The following ADGRV1 variants were observed in gnomAD, a reference collection of about 807,000 sequenced individuals.
The protein encoded by ADGRV1 is G-protein coupled receptor 98.
In ADGRV1, 359 loss-of-function variants were observed where a neutral mutation model predicts 596.2. The ratio of observed to expected loss-of-function variants is 0.60; its 90% CI spans 0.55 to 0.66. The LOEUF is 0.66. Among genes scored for constraint, ADGRV1 ranks in the 30% least tolerant of loss-of-function variants. The pLI is 0.00. For missense variants in ADGRV1, 7,274 were observed against 7,575.6 expected (o/e 0.96, Z 1.48); for synonymous variants, 2,681 against 2,679.2 (o/e 1.00, Z -0.02).
chr5:91,054,974 T>C (rs1406973305), intron 85 of ADGRV1, among the ~76,000 whole-genome samples: 1 of 152,208 alleles, frequency 6.6e-6, no homozygotes, highest in Non-Finnish European at 1.5e-5. Context: ...TTAATTACCA[T>C]TTCCCCTTTC....
At chr5:90,693,732 T>C (rs1207464238) in intron 32 of ADGRV1, among the ~76,000 whole-genome samples, 158 bp from the exon 33 acceptor site, 2 of 152,230 alleles carry the variant, frequency 1.3e-5, no homozygotes, top group Non-Finnish European at 2.9e-5. Context: ...GAAAACAAAA[T>C]GTTGGGAGAC....
intron 83 of ADGRV1, among the ~76,000 whole-genome samples, chr5:90,883,550 A>T (rs1473365430): frequency 6.6e-6 from 1 of 152,118 alleles, no homozygotes; most frequent in Non-Finnish European, 1.5e-5. Context: ...TTCTGAATAT[A>T]ACTTGGAGTG....
At chr5:90,629,561 T>A (rs1398653944) in intron 9 of ADGRV1, 22 bp downstream of exon 9, 1 of 1,537,358 alleles carries the variant, frequency 6.5e-7, no homozygotes, top group Non-Finnish European at 8.8e-7. Flanking sequence ...ATTAAAATAA[T>A]CGTAATTTTG....
chr5:91,154,529 A>G (rs1304727156), intron 89 of ADGRV1, among the ~76,000 whole-genome samples: 1 of 152,224 alleles, frequency 6.6e-6, no homozygotes, highest in African/African-American at 2.4e-5. Flanking sequence ...CCTGGCCTTG[A>G]GACCGTGCTC....
intron 83 of ADGRV1, among the ~76,000 whole-genome samples, chr5:90,935,269 A>G (rs1775578808): frequency 6.6e-6 from 1 of 152,218 alleles, no homozygotes; most frequent in African/African-American, 2.4e-5. Context: ...ATGTTTGTCA[A>G]AACAGAAGTT....
chr5:91,086,037 A>G (rs1789843960), intron 86 of ADGRV1, among the ~76,000 whole-genome samples: 1 of 152,270 alleles, frequency 6.6e-6, no homozygotes, highest in Middle Eastern at 3.4e-3. Context: ...AGAAATCAGT[A>G]CTGATAACCA....
At chr5:90,855,945 A>G in intron 82 of ADGRV1, 44 bp downstream of exon 82, 2 of 1,470,084 alleles carry the variant, frequency 1.4e-6, no homozygotes, top group Admixed American at 1.8e-5. Context: ...AATATTTATG[A>G]AAATGAAAGT....
intron 31 of ADGRV1, 45 bp downstream of exon 31, chr5:90,691,086 T>C: frequency 6.2e-7 from 1 of 1,608,560 alleles, no homozygotes; most frequent in Non-Finnish European, 8.5e-7. Context: ...AATCATACCG[T>C]ATCTATAGTG....
rs778985579 is a variant in ADGRV1, at chr5:90,711,353, T to C, written c.9042+31T>C. ...TCTCAAAATCTATCACAGATGACTT[T>C]TACAAATTATTTTATAATCATTATT... On this transcript the variant is annotated intron_variant, in intron 41 of 89. Transcript: ENST00000405460. 9 of 1,527,800 alleles carry C rather than the reference T, an allele frequency of 5.9e-6. No homozygotes were observed. The Admixed American group carries it at 1.8e-4, about 30-fold the overall frequency. 94.6% of individuals were successfully genotyped at this position (1,527,800 alleles called of 1,614,324 possible). A position where few individuals can be genotyped will look rare whatever the true frequency, so the allele number is the denominator to read the frequency against.
intron 1 of ADGRV1, among the ~76,000 whole-genome samples, chr5:90,600,089 G>A (rs1191932433): frequency 6.6e-5 from 10 of 152,126 alleles, no homozygotes; most frequent in Admixed American, 5.2e-4. Context: ...ATGGGAAAGA[G>A]GTAGTACTTA....
chr5:91,154,715 C>T (rs1193392916), intron 89 of ADGRV1, among the ~76,000 whole-genome samples: 1 of 152,182 alleles, frequency 6.6e-6, no homozygotes, highest in Non-Finnish European at 1.5e-5. Context: ...AGGAAATGTA[C>T]AATCATGGCG....
intron 83 of ADGRV1, among the ~76,000 whole-genome samples, chr5:90,950,741 G>A (rs1460660337): frequency 2.0e-5 from 3 of 152,200 alleles, no homozygotes; most frequent in Admixed American, 2.0e-4. Context: ...ACAGATGCTG[G>A]AGTAGCGGGA....
intron 83 of ADGRV1, among the ~76,000 whole-genome samples, chr5:90,865,641 A>T (rs1220251958): frequency 6.6e-6 from 1 of 152,170 alleles, no homozygotes; most frequent in Non-Finnish European, 1.5e-5. Flanking sequence ...GTATTTTCAT[A>T]GCTCTTTTTT....
intron 38 of ADGRV1, 87 bp downstream of exon 38, chr5:90,706,481 A>G: frequency 8.5e-7 from 1 of 1,177,200 alleles, no homozygotes; most frequent in Non-Finnish European, 1.2e-6. Flanking sequence ...GTACAAGTGC[A>G]CAATGTGCAG....
chr5:90,634,527 G>A (rs73772418), intron 9 of ADGRV1, among the ~76,000 whole-genome samples: 212 of 152,282 alleles, frequency 1.4e-3, no homozygotes, highest in African/African-American at 5.0e-3. Flanking sequence ...GTTATAAATG[G>A]AGTTCTGAGT....
intron 29 of ADGRV1, 116 bp downstream of exon 29, chr5:90,686,111 T>C (rs2149596498): frequency 4.9e-6 from 2 of 409,858 alleles, no homozygotes; most frequent in African/African-American, 2.1e-5. Context: ...ACTAGAAAAC[T>C]AGAAATACTC....
chr5:91,141,958 A>G (rs949457110), intron 87 of ADGRV1, among the ~76,000 whole-genome samples: 3 of 152,204 alleles, frequency 2.0e-5, no homozygotes, highest in African/African-American at 7.2e-5. Flanking sequence ...CAAAGTGACC[A>G]TACCGCCAGG....
chr5:90,950,457 G>T (rs994901866), intron 83 of ADGRV1, among the ~76,000 whole-genome samples: 1 of 152,046 alleles, frequency 6.6e-6, no homozygotes, highest in African/African-American at 2.4e-5. Flanking sequence ...GAGTAGCTGG[G>T]ATTACAGGTG....
chr5:90,978,573 A>T (rs1310935455), intron 84 of ADGRV1, among the ~76,000 whole-genome samples: 1 of 152,146 alleles, frequency 6.6e-6, no homozygotes, highest in Non-Finnish European at 1.5e-5. Context: ...TAATGAAAAG[A>T]GTGGAATAGA....
Sources: gnomAD v4.1 joint callset for allele counts (sites outside exome capture counted in the v4.1 genomes callset) on GRCh38, gnomAD v4.1.1 for gene constraint, MANE v1.5 for transcripts, NCBI Gene and HGNC (gene_info 2026-07-23, HGNC 2026-07-21) for gene names.